ZNRF3: variants seen among roughly 807,000 people sequenced by gnomAD.
ZNRF3 encodes the protein E3 ubiquitin-protein ligase ZNRF3.
Under a neutral mutation model 72.5 loss-of-function variants are expected in ZNRF3, and 23 were observed. That is an observed-to-expected ratio of 0.32 (90% CI 0.23 to 0.45). The LOEUF is 0.45. Among genes scored for constraint, ZNRF3 ranks in the 20% least tolerant of loss-of-function variants. ZNRF3 has a pLI of 1.00. For synonymous variants in ZNRF3, 610 were observed against 545.3 expected (o/e 1.12, Z -1.65); for missense variants, 1,169 against 1,272.1 (o/e 0.92, Z 1.23).
At chr22:28,969,617 G>C (rs556168141) in intron 1 of ZNRF3, among the ~76,000 whole-genome samples, 1 of 152,224 alleles carries the variant, frequency 6.6e-6, no homozygotes, top group African/African-American at 2.4e-5. Context: ...TGGCAGAAGA[G>C]AGGGGTCAAA....
chr22:29,043,401 C>G lies in ZNRF3; in HGVS notation c.604C>G (p.Arg202Gly). 1 of 1,613,792 alleles carries G rather than the reference C, an allele frequency of 6.2e-7. No individual in the cohort carries two copies. The highest frequency in any genetic ancestry group is 8.5e-7 in the Non-Finnish European group (1 of 1,179,992). Residue 202 changes from arginine to glycine, a missense_variant, in exon 4 of 9, where the codon CGA becomes GGA. Physicochemically the swap from Arg to Gly is moderately radical, Grantham distance 125 (BLOSUM62 -2). This residue lies in a region of ZNRF3 where 386 missense variants were observed against 540.7 expected (regional missense o/e 0.71). Transcript: ENST00000544604. Reference sequence around the variant, plus strand: ...CATCGTCAACAAGCAGAAAGTGGCTCGAGCAAGGATCCAGCACCGCCCTCC... The same window carrying G: ...CATCGTCAACAAGCAGAAAGTGGCTGGAGCAAGGATCCAGCACCGCCCTCC... ...MNIVNKQKVA[R>G]ARIQHRPPRQ...
intron 1 of ZNRF3, among the ~76,000 whole-genome samples, chr22:28,914,814 CAAAA>C (rs567975458): frequency 2.9e-5 from 2 of 69,306 alleles, no homozygotes; most frequent in Admixed American, 1.6e-4. Context: ...AACTCCGTCT[CAAAA>C]AAAAAAAAAA....
chr22:29,053,117 T>C (rs2037236835), intron 8 of ZNRF3, among the ~76,000 whole-genome samples: 1 of 152,160 alleles, frequency 6.6e-6, no homozygotes, highest in African/African-American at 2.4e-5. Flanking sequence ...CCAAGCTCAT[T>C]CCAGCCCCCA....
chr22:28,953,125 G>A (rs1252841566), intron 1 of ZNRF3, among the ~76,000 whole-genome samples: 1 of 152,226 alleles, frequency 6.6e-6, no homozygotes, highest in Non-Finnish European at 1.5e-5. Flanking sequence ...ATCTTAGAGT[G>A]TGGATTAGAC....
chr22:28,975,652 G>A (rs946471285), intron 1 of ZNRF3, among the ~76,000 whole-genome samples: 1 of 151,922 alleles, frequency 6.6e-6, no homozygotes, highest in Non-Finnish European at 1.5e-5. Flanking sequence ...CAGGAGAATC[G>A]CTTGAACCTG....
chr22:29,042,811 G>A (rs562192275), intron 3 of ZNRF3, among the ~76,000 whole-genome samples: 1 of 151,538 alleles, frequency 6.6e-6, no homozygotes, highest in Non-Finnish European at 1.5e-5. Flanking sequence ...GTCTTGCTCT[G>A]TCACCCAGGC....
chr22:28,952,291 T>C (rs1447943044), intron 1 of ZNRF3, among the ~76,000 whole-genome samples: 1 of 152,234 alleles, frequency 6.6e-6, no homozygotes, highest in Non-Finnish European at 1.5e-5. Flanking sequence ...CCCCCAGGAA[T>C]GTGGAACGCT....
chr22:28,906,431 A>G (rs955854577), intron 1 of ZNRF3, among the ~76,000 whole-genome samples: 10 of 152,210 alleles, frequency 6.6e-5, no homozygotes, highest in Non-Finnish European at 1.2e-4. Context: ...TGGAGAGTAC[A>G]TCCCTGAGAC....
intron 1 of ZNRF3, among the ~76,000 whole-genome samples, chr22:28,887,528 C>T (rs1168120062): frequency 1.3e-5 from 2 of 152,034 alleles, no homozygotes; most frequent in Non-Finnish European, 2.9e-5. Flanking sequence ...CCAAGGTCAC[C>T]AATGTAATCT....
chr22:29,033,372 A>AG (rs2036800484), intron 2 of ZNRF3, among the ~76,000 whole-genome samples: 1 of 142,980 alleles, frequency 7.0e-6, no homozygotes, highest in African/African-American at 2.5e-5. Flanking sequence ...AAAAAAAAAA[A>AG]GGCTCAATAT....
chr22:28,907,607 G>C (rs469989), intron 1 of ZNRF3, among the ~76,000 whole-genome samples: 103,159 of 152,002 alleles, frequency 0.68, 35,734 homozygotes, highest in Admixed American at 0.77. Flanking sequence ...CAACCCAGCA[G>C]CATATTTAGA....
chr22:29,021,476 C>T (rs915761354), intron 2 of ZNRF3, among the ~76,000 whole-genome samples: 1 of 144,882 alleles, frequency 6.9e-6, no homozygotes, highest in South Asian at 2.2e-4. Context: ...TCTCCCCTCA[C>T]TCCTTGTTTT....
At chr22:28,923,492 G>T (rs1569247320) in intron 1 of ZNRF3, among the ~76,000 whole-genome samples, 1 of 151,938 alleles carries the variant, frequency 6.6e-6, no homozygotes, top group Non-Finnish European at 1.5e-5. Flanking sequence ...AATAGCAAAG[G>T]GTCAGAAGTT....
chr22:28,941,582 A>G (rs2034948390), intron 1 of ZNRF3, among the ~76,000 whole-genome samples: 2 of 152,152 alleles, frequency 1.3e-5, no homozygotes, highest in Admixed American at 1.3e-4. Context: ...GGGATGTTTT[A>G]TATCTGCAAA....
At chr22:29,035,766 G>A (rs2036855382) in intron 2 of ZNRF3, among the ~76,000 whole-genome samples, 1 of 151,988 alleles carries the variant, frequency 6.6e-6, no homozygotes, top group African/African-American at 2.4e-5. Flanking sequence ...TTTTATTAGA[G>A]GTGGGATTTC....
chr22:28,983,381 C>T (rs551562506), intron 1 of ZNRF3, among the ~76,000 whole-genome samples: 3 of 152,314 alleles, frequency 2.0e-5, no homozygotes, highest in East Asian at 1.9e-4. Context: ...TGCCCGGACA[C>T]GCTCTCCACA....
intron 1 of ZNRF3, among the ~76,000 whole-genome samples, chr22:28,960,824 C>T (rs183415079): frequency 5.5e-4 from 83 of 152,252 alleles, no homozygotes; most frequent in African/African-American, 1.9e-3. Flanking sequence ...ATTCCAATTC[C>T]ACTAGTAGGG....
intron 5 of ZNRF3, 56 bp from the exon 6 acceptor site, chr22:29,046,660 T>C (rs2037075816): frequency 2.0e-6 from 3 of 1,473,870 alleles, no homozygotes; most frequent in Non-Finnish European, 2.7e-6. Context: ...GTCCCTGGGG[T>C]GACTGCCACT....
intron 1 of ZNRF3, among the ~76,000 whole-genome samples, chr22:28,926,042 C>T (rs746463396): frequency 3.3e-5 from 5 of 152,196 alleles, no homozygotes; most frequent in Non-Finnish European, 7.3e-5. Context: ...CAGGAAGTTG[C>T]ACCTGGAGGA....
Sources: gnomAD v4.1 joint callset for allele counts (sites outside exome capture counted in the v4.1 genomes callset) on GRCh38, gnomAD v4.1.1 for gene constraint, gnomAD v4.1.1 regional missense constraint, MANE v1.5 for transcripts, NCBI Gene and HGNC (gene_info 2026-07-23, HGNC 2026-07-21) for gene names.